Variants in RP1 observed in about 807,000 individuals in gnomAD.
RP1 encodes the protein oxygen-regulated protein 1.
In RP1, 16 loss-of-function variants were observed where a neutral mutation model predicts 14.8. That is an observed-to-expected ratio of 1.08 (90% CI 0.73 to 1.65). The LOEUF (loss-of-function observed/expected upper bound fraction) is 1.65, where lower values mean the gene tolerates loss of function less well. RP1 is among the 40% of genes most tolerant of loss of function. RP1 has a pLI of 0.00. For synonymous variants in RP1, 876 were observed against 883.6 expected, an observed-to-expected ratio of 0.99 and a Z score of 0.15; for missense variants, 2,631 against 2,535.0, an observed-to-expected ratio of 1.04 and a Z score of -0.81.
Position 54,629,950 on chromosome 8 carries a change from A to C in RP1, c.6068A>C (p.Lys2023Thr), listed in dbSNP as rs1806204795. ...TTAGAGGAAGAAGGTAATTTAAAGA[A>C]ATTTCAACCAGATTTGAAGGAAAGG... The part of the protein sequence containing the change: ...LGLEEEGNLK[K>T]FQPDLKERFC... Residue 2023 changes from lysine (K) to threonine (T), a missense_variant, in exon 4 of 4, where the codon AAA becomes ACA. Lys to Thr is a moderately conservative substitution (Grantham distance 78). Transcript: ENST00000220676. 6.2e-7 allele frequency: 1 copy of C among 1,613,978 alleles called. No homozygotes were observed. Among genetic ancestry groups the C allele is most frequent in the Non-Finnish European group, 8.5e-7 (1 of 1,179,960 alleles).
At chr8:54,713,319 A>T (rs533113201) in intron 15 of RP1, among the ~76,000 whole-genome samples, 1 of 152,340 alleles carries the variant, frequency 6.6e-6, no homozygotes, top group South Asian at 2.1e-4. Flanking sequence ...CAGGCCGTTC[A>T]TAGGGACATT....
chr8:54,849,323 T>C (rs1380239960), intron 25 of RP1, among the ~76,000 whole-genome samples: 3 of 152,150 alleles, frequency 2.0e-5, no homozygotes, highest in African/African-American at 4.8e-5. Flanking sequence ...AGTTCATTCA[T>C]TGCAGTAAAA....
At chr8:54,708,789 G>A (rs1439133312) in intron 15 of RP1, among the ~76,000 whole-genome samples, 1 of 150,808 alleles carries the variant, frequency 6.6e-6, no homozygotes, top group African/African-American at 2.4e-5. Context: ...TAAGTTTTTA[G>A]CAGAATCTTT....
At chr8:54,837,207 G>A (rs539761300) in intron 24 of RP1, among the ~76,000 whole-genome samples, 39 of 152,306 alleles carry the variant, frequency 2.6e-4, no homozygotes, top group African/African-American at 9.4e-4. Flanking sequence ...GTAATGGTGA[G>A]TTGCTAAAAG....
chr8:54,611,865 C>G (rs1042085740), upstream of RP1, among the ~76,000 whole-genome samples: 23 of 146,398 alleles, frequency 1.6e-4, no homozygotes, highest in African/African-American at 5.9e-4. Flanking sequence ...TTTTCTTTCC[C>G]TCCCTCCCTC....
chr8:54,582,472 A>T (rs1441508524), intron 1 of RP1, among the ~76,000 whole-genome samples: 2 of 150,570 alleles, frequency 1.3e-5, no homozygotes, highest in Non-Finnish European at 3.0e-5. Context: ...CTTAGGATTG[A>T]CTTGGCAATG....
intron 3 of RP1, 41 bp downstream of exon 3, chr8:54,622,329 G>A: frequency 6.2e-7 from 1 of 1,605,698 alleles, no homozygotes; most frequent in South Asian, 1.1e-5. Flanking sequence ...TTTTAGCCCT[G>A]AGATTTTTTT....
intron 1 of RP1, among the ~76,000 whole-genome samples, chr8:54,575,508 C>T (rs1804621636): frequency 6.6e-6 from 1 of 151,936 alleles, no homozygotes; most frequent in African/African-American, 2.4e-5. Context: ...AATAGCCATC[C>T]CCTCACATTT....
chr8:54,653,085 G>GA (rs1338693874), intron 5 of RP1, among the ~76,000 whole-genome samples: 2 of 151,734 alleles, frequency 1.3e-5, no homozygotes, highest in Admixed American at 6.6e-5. Context: ...TCTTTGCAAA[G>GA]AAAAAAACGC....
chr8:54,624,443 C>CA (rs11332494), intron 3 of RP1, among the ~76,000 whole-genome samples: 1,230 of 56,532 alleles, frequency 0.022, 77 homozygotes, highest in African/African-American at 0.052. Flanking sequence ...GACTCTGTCT[C>CA]AAAAAAAAAA....
At chr8:54,680,536 A>G (rs900106348) in intron 12 of RP1, among the ~76,000 whole-genome samples, 1 of 152,172 alleles carries the variant, frequency 6.6e-6, no homozygotes, top group African/African-American at 2.4e-5. Flanking sequence ...GTACTTTACT[A>G]TGCTGGAAAC....
Position 54,626,900 on chromosome 8 carries a change from G to A in RP1, c.3018G>A (p.Glu1006=), listed in dbSNP as rs759554556. Residue 1006 remains glutamate, a synonymous_variant, in exon 4 of 4, where the codon GAG becomes GAA. Transcript: ENST00000220676. Reference sequence around the variant, plus strand: ...ACACTGGTGAAGAAGATCTCCATGAGACACAGGTTGGATCTCTGAATGATG... The same window carrying A: ...ACACTGGTGAAGAAGATCTCCATGAAACACAGGTTGGATCTCTGAATGATG... ...ANDTGEEDLH[E]TQVGSLNDAY... 2.5e-6 allele frequency: 4 copies of A among 1,613,816 alleles called. No individual in the cohort carries two copies. Among genetic ancestry groups the A allele is most frequent in the Non-Finnish European group, 3.4e-6 (4 of 1,179,950 alleles).
At chr8:54,677,882 T>C (rs1457005006) in intron 8 of RP1, among the ~76,000 whole-genome samples, 1 of 152,188 alleles carries the variant, frequency 6.6e-6, no homozygotes, top group Non-Finnish European at 1.5e-5. Flanking sequence ...TAAAATATTT[T>C]ATGTGTAAGT....
At chr8:54,853,292 G>A (rs1383180190) in intron 26 of RP1, among the ~76,000 whole-genome samples, 1 of 152,114 alleles carries the variant, frequency 6.6e-6, no homozygotes, top group East Asian at 1.9e-4. Flanking sequence ...ATCAGGGACA[G>A]GTCCTGCAGC....
At chr8:54,827,942 T>G (rs1470002309) in intron 24 of RP1, among the ~76,000 whole-genome samples, 1 of 152,162 alleles carries the variant, frequency 6.6e-6, no homozygotes, top group Non-Finnish European at 1.5e-5. Context: ...TTTAAGCTTT[T>G]TTGTTAAAAA....
In RP1 at chr8:54,674,765, A is replaced by G. The variant is rs531738693; in HGVS notation, c.1402+837A>G. Among the ~76,000 whole-genome samples the G allele has an allele frequency of 2.4e-3, 362 of 152,278 alleles. 1 individual carries two copies. Among genetic ancestry groups the G allele is most frequent in the Non-Finnish European group, 3.9e-3 (262 of 67,998 alleles). ...AATTATGAGTAAGATTAATAAAAAT[A>G]TGACCAATATTCTATAGACAATACA... is the stretch of plus-strand genomic sequence containing the variant. On this transcript the variant is annotated intron_variant, in intron 8 of 22. Coordinates refer to the RP1 transcript ENST00000636932.
At chr8:54,760,279 TTCA>T (rs1275305849) in intron 22 of RP1, among the ~76,000 whole-genome samples, 2 of 152,194 alleles carry the variant, frequency 1.3e-5, no homozygotes, top group East Asian at 3.9e-4. Flanking sequence ...GATGCCCTTG[TTCA>T]TCAAGACTAG....
chr8:54,794,301 A>G (rs1810532179), intron 24 of RP1, among the ~76,000 whole-genome samples: 1 of 151,988 alleles, frequency 6.6e-6, no homozygotes, highest in Non-Finnish European at 1.5e-5. Flanking sequence ...GCATTATCTG[A>G]TTTCACACTA....
At chr8:54,755,506 T>C (rs1376518715) in intron 20 of RP1, 2 of 970,500 alleles carry the variant, frequency 2.1e-6, no homozygotes, top group Non-Finnish European at 3.0e-6. Context: ...GGAATTCTCA[T>C]ATATGTTTTT....
Sources: gnomAD v4.1 joint callset for allele counts (sites outside exome capture counted in the v4.1 genomes callset) on GRCh38, gnomAD v4.1.1 for gene constraint, MANE v1.5 for transcripts, NCBI Gene and HGNC (gene_info 2026-07-23, HGNC 2026-07-21) for gene names.